The following AQR variants were observed in gnomAD, a reference collection of about 807,000 sequenced individuals.
AQR encodes RNA helicase aquarius.
Under a neutral mutation model 180.5 loss-of-function variants are expected in AQR, and 61 were observed. That is an observed-to-expected ratio of 0.34 (90% CI 0.28 to 0.42). AQR has a LOEUF of 0.42. Ranked by LOEUF, AQR falls within the 10% of genes least tolerant of loss-of-function variation. AQR has a pLI of 1.00. For missense variants in AQR, 1,281 were observed against 1,798.3 expected (o/e 0.71, Z 5.20); for synonymous variants, 551 against 588.8 (o/e 0.94, Z 0.93).
chr15:34,969,437 G>T, intron 1 of AQR, 102 bp downstream of exon 1: 1 of 1,174,034 alleles, frequency 8.5e-7, no homozygotes, highest in Non-Finnish European at 1.2e-6. Flanking sequence ...ACAAACGAAT[G>T]CCTCCTCCGG....
intron 20 of AQR, among the ~76,000 whole-genome samples, chr15:34,898,775 T>C (rs987482750): frequency 5.3e-5 from 8 of 151,258 alleles, no homozygotes; most frequent in African/African-American, 1.9e-4. Flanking sequence ...TCCCAGCTAC[T>C]CAGGAGGCTG....
intron 33 of AQR, among the ~76,000 whole-genome samples, chr15:34,860,950 T>C (rs1190062396): frequency 6.6e-6 from 1 of 152,174 alleles, no homozygotes; most frequent in Non-Finnish European, 1.5e-5. Flanking sequence ...TAAGTGTAGG[T>C]AAGGTAGTAA....
At chr15:34,938,376 A>C (rs553717830) in intron 9 of AQR, among the ~76,000 whole-genome samples, 1 of 152,176 alleles carries the variant, frequency 6.6e-6, no homozygotes, top group East Asian at 1.9e-4. Context: ...TCTACCAAAA[A>C]TACAAAACTA....
intron 20 of AQR, among the ~76,000 whole-genome samples, chr15:34,899,939 CT>C (rs1893305028): frequency 6.6e-6 from 1 of 152,170 alleles, no homozygotes; most frequent in South Asian, 2.1e-4. Context: ...GTCACCCAGG[CT>C]GGAGTACAGT....
intron 13 of AQR, among the ~76,000 whole-genome samples, chr15:34,922,832 T>C (rs1036622748): frequency 2.0e-5 from 3 of 152,152 alleles, no homozygotes; most frequent in Non-Finnish European, 4.4e-5. Context: ...AAAAACAAAT[T>C]CTAATAGGTA....
intron 3 of AQR, among the ~76,000 whole-genome samples, chr15:34,954,862 G>A (rs575589254): frequency 2.6e-5 from 4 of 152,184 alleles, no homozygotes; most frequent in Admixed American, 6.5e-5. Flanking sequence ...GGTGGCTCAC[G>A]CCTGTAATCC....
chr15:34,927,297 T>C (rs1208859954), intron 12 of AQR, among the ~76,000 whole-genome samples, 159 bp from the exon 13 acceptor site: 1 of 152,094 alleles, frequency 6.6e-6, no homozygotes, highest in Non-Finnish European at 1.5e-5. Context: ...CAGAAGCATA[T>C]AATAAAAAGA....
chr15:34,910,003 A>C, intron 17 of AQR, 132 bp downstream of exon 17: 1 of 1,077,522 alleles, frequency 9.3e-7, no homozygotes. Flanking sequence ...CTATTCTTTA[A>C]ATCAAATTTC....
rs1197912346 is a variant in AQR, at chr15:34,963,562, C to A, written c.132+672G>T. ...TTGTACAAAAATTTCTGTATATTTA[C>A]AAAGATATTTATTACATGATCATTT... is the stretch of plus-strand genomic sequence containing the variant. On this transcript the variant is annotated intron_variant, in intron 2 of 34. Coordinates refer to ENST00000156471, the MANE Select transcript of AQR (RefSeq NM_014691.3). Among the ~76,000 whole-genome samples, 4 of 151,492 alleles carry A rather than the reference C, an allele frequency of 2.6e-5. No individual in the cohort carries two copies. In the South Asian group the frequency reaches 6.2e-4, roughly 24 times the overall value.
chr15:34,921,048 A>G (rs922309664), intron 13 of AQR, among the ~76,000 whole-genome samples: 2 of 152,168 alleles, frequency 1.3e-5, no homozygotes, highest in Non-Finnish European at 1.5e-5. Context: ...AAAAAAATTA[A>G]TACTATTAAA....
intron 31 of AQR, 119 bp downstream of exon 31, chr15:34,870,633 T>C (rs1388236442): frequency 1.2e-6 from 1 of 819,706 alleles, no homozygotes; most frequent in Non-Finnish European, 1.8e-6. Context: ...ATAGTTCCCA[T>C]TATTTCATTT....
chr15:34,941,956 C>T, intron 7 of AQR, 56 bp downstream of exon 7: 1 of 1,385,370 alleles, frequency 7.2e-7, no homozygotes, highest in Non-Finnish European at 9.9e-7. Flanking sequence ...TAGACTAAAA[C>T]CACACGTTCT....
chr15:34,920,913 G>A (rs993900159), intron 13 of AQR, among the ~76,000 whole-genome samples: 32 of 152,134 alleles, frequency 2.1e-4, no homozygotes, highest in African/African-American at 7.2e-4. Context: ...AGCCGAGATC[G>A]CGCCACTGTA....
Position 34,856,569 on chromosome 15 carries a change from A to C in AQR, c.*223T>G, listed in dbSNP as rs1892588121. The C allele has an allele frequency of 4.5e-6, 2 of 445,180 alleles. No individual in the cohort carries two copies. Among genetic ancestry groups the C allele is most frequent in the Non-Finnish European group, 7.9e-6 (2 of 253,998 alleles). 27.6% of individuals were successfully genotyped at this position (445,180 alleles called of 1,614,324 possible). ...AGACACACTCAGTGATCAAAACATG[A>C]AAGGAATGGTTATTTGCTCTTCTGA... On this transcript the variant is annotated 3_prime_UTR_variant, in exon 35 of 35. Transcript: ENST00000156471.
chr15:34,962,874 A>G (rs1211619738), intron 2 of AQR, among the ~76,000 whole-genome samples: 1 of 152,234 alleles, frequency 6.6e-6, no homozygotes, highest in Non-Finnish European at 1.5e-5. Context: ...GTTCAGTTTT[A>G]CCAACAGTGC....
intron 29 of AQR, chr15:34,874,387 A>G (rs892997156): frequency 5.6e-5 from 20 of 359,222 alleles, no homozygotes; most frequent in African/African-American, 4.3e-4. Context: ...TTAAAATTAT[A>G]TTAACTGTAT....
intron 22 of AQR, 59 bp from the exon 23 acceptor site, chr15:34,893,832 T>C: frequency 2.1e-6 from 3 of 1,462,776 alleles, no homozygotes; most frequent in Non-Finnish European, 2.9e-6. Context: ...CACACATTGT[T>C]AGAAAACGTG....
intron 20 of AQR, among the ~76,000 whole-genome samples, chr15:34,898,756 C>T (rs1398957511): frequency 2.6e-5 from 4 of 151,222 alleles, no homozygotes; most frequent in Admixed American, 6.6e-5. Context: ...TGGTGGCGGG[C>T]GCCTGTAGTC....
chr15:34,960,043 T>C (rs2050265517), intron 3 of AQR, among the ~76,000 whole-genome samples: 1 of 152,242 alleles, frequency 6.6e-6, no homozygotes, highest in Non-Finnish European at 1.5e-5. Context: ...CAACTCTTCT[T>C]ACTTCCTACT....
Sources: allele counts gnomAD v4.1 joint callset (sites outside exome capture counted in the v4.1 genomes callset), GRCh38; gene constraint gnomAD v4.1.1; transcripts MANE v1.5; gene names NCBI Gene and HGNC (gene_info 2026-07-23, HGNC 2026-07-21).